NKD1: variants seen among roughly 807,000 people sequenced by gnomAD.
The protein encoded by NKD1 is NKD inhibitor of Wnt signaling pathway 1, also known as protein naked cuticle homolog 1.
NKD1 carries 21 observed loss-of-function variants against 56.0 expected under a neutral mutation model. The ratio of observed to expected loss-of-function variants is 0.38; its 90% CI spans 0.27 to 0.54. The LOEUF (loss-of-function observed/expected upper bound fraction) is 0.54. Among genes scored for constraint, NKD1 ranks in the 20% least tolerant of loss-of-function variants. The pLI is 0.82. For synonymous variants in NKD1, 263 were observed against 265.7 expected, an observed-to-expected ratio of 0.99 and a Z score of 0.10; for missense variants, 578 against 642.7, an observed-to-expected ratio of 0.90 and a Z score of 1.09.
At chr16:50,576,623 G>A (rs1306329178) in intron 3 of NKD1, among the ~76,000 whole-genome samples, 1 of 152,056 alleles carries the variant, frequency 6.6e-6, no homozygotes, top group Admixed American at 6.5e-5. Context: ...GGAGATTGTG[G>A]GTATGCCTGT....
chr16:50,625,646 C>T lies in NKD1; in HGVS notation c.462+66C>T, dbSNP rs1050149164. On this transcript the variant is annotated intron_variant, in intron 6 of 9. Transcript: ENST00000268459. Reference sequence around the variant, plus strand: ...GCAGGCACAGGGCCTGGGCACAGCACCCTGCCACTGCCACTTCTCTCCCCT... The same window carrying T: ...GCAGGCACAGGGCCTGGGCACAGCATCCTGCCACTGCCACTTCTCTCCCCT... 25 of 981,418 alleles carry T rather than the reference C, an allele frequency of 2.5e-5. No homozygotes were observed. In the African/African-American group the frequency reaches 3.8e-4, roughly 15 times the overall value. 60.8% of individuals were successfully genotyped at this position (981,418 alleles called of 1,614,324 possible).
At chr16:50,594,841 G>C (rs1326254874) in intron 3 of NKD1, among the ~76,000 whole-genome samples, 1 of 152,122 alleles carries the variant, frequency 6.6e-6, no homozygotes, top group Admixed American at 6.5e-5. Flanking sequence ...ACGTGCACAC[G>C]GTGCCCTGGG....
chr16:50,592,835 G>T (rs973082998), intron 3 of NKD1, among the ~76,000 whole-genome samples: 1 of 152,112 alleles, frequency 6.6e-6, no homozygotes, highest in African/African-American at 2.4e-5. Flanking sequence ...GTGCAGAAGC[G>T]GGTGGAGACA....
intron 3 of NKD1, chr16:50,606,058 ATTTT>A (rs369267044): frequency 1.4e-5 from 2 of 141,506 alleles, no homozygotes; most frequent in Non-Finnish European, 3.1e-5. Context: ...GGGGAGATGA[ATTTT>A]TTTTTTTTTT....
intron 6 of NKD1, among the ~76,000 whole-genome samples, chr16:50,629,562 C>T (rs1962297678): frequency 6.6e-6 from 1 of 152,150 alleles, no homozygotes; most frequent in Admixed American, 6.5e-5. Flanking sequence ...TTCTCAGGTA[C>T]AAGGAGTTGG....
At position 50,582,638 on chromosome 16, in the gene NKD1, A is replaced by T. The variant is rs953208252; in HGVS notation, c.193-25656A>T. 9.2e-5 allele frequency among the ~76,000 whole-genome samples: 14 copies of T among 152,314 alleles called. No individual in the cohort carries two copies. In the East Asian group the frequency reaches 2.7e-3, roughly 29 times the overall value. On this transcript the variant is annotated intron_variant, in intron 3 of 9. Coordinates refer to ENST00000268459, the MANE Select transcript of NKD1 (RefSeq NM_033119.5). ...ACGAATTATCTGTGGTTCTGCTGGG[A>T]ATACACCATTTGTTTACTCAATGCA... is the stretch of plus-strand genomic sequence containing the variant.
chr16:50,581,495 T>G (rs747517234), intron 3 of NKD1, among the ~76,000 whole-genome samples: 9 of 152,268 alleles, frequency 5.9e-5, no homozygotes, highest in African/African-American at 9.6e-5. Context: ...GCATGTCTAT[T>G]GCATTCCTGC....
rs1350602866 is a variant in NKD1, at chr16:50,636,931, A to G, written c.*3150A>G. ...TCCCACCCCACCCTTTTATTTTTAC[A>G]CAAGGAGCATAGTGTTCATACTTAT... On this transcript the variant is annotated 3_prime_UTR_variant, in exon 10 of 10. Transcript: ENST00000268459. 1 of 152,168 alleles carries G rather than the reference A, an allele frequency of 6.6e-6. No homozygotes were observed. Among genetic ancestry groups the G allele is most frequent in the Non-Finnish European group, 1.5e-5 (1 of 68,034 alleles). The allele number at this position is 152,168 out of a possible 1,614,324, so 9.4% of individuals were successfully genotyped here.
Position 50,632,763 on chromosome 16 carries a change from T to G in NKD1, c.823+355T>G, listed in dbSNP as rs533484568. Among the ~76,000 whole-genome samples the G allele has an allele frequency of 1.3e-5, 2 of 151,242 alleles. No homozygotes were observed. Among genetic ancestry groups the G allele is most frequent in the South Asian group, 4.3e-4 (2 of 4,696 alleles). On this transcript the variant is annotated intron_variant, in intron 9 of 9. Coordinates refer to ENST00000268459, the MANE Select transcript of NKD1 (RefSeq NM_033119.5). The surrounding 1 kb of genome is among the most constrained non-coding windows in gnomAD (Gnocchi z 4.1). Reference sequence around the variant, plus strand: ...TCGGTTTCCCTAAGTACAGCACTACTGTGTCTTTATCAGCCTTGACATATG... The same window carrying G: ...TCGGTTTCCCTAAGTACAGCACTACGGTGTCTTTATCAGCCTTGACATATG...
At chr16:50,553,735 T>C (rs575252318) in intron 3 of NKD1, 1 of 152,378 alleles carries the variant, frequency 6.6e-6, no homozygotes, top group South Asian at 2.1e-4. Flanking sequence ...ATTTGGTGTT[T>C]CAGGATTAAA....
chr16:50,631,037 A>G, intron 8 of NKD1, 127 bp downstream of exon 8: 1 of 610,724 alleles, frequency 1.6e-6, no homozygotes, highest in Non-Finnish European at 2.8e-6. Flanking sequence ...TTTGATGCAC[A>G]GACTCATAAA....
At position 50,598,312 on chromosome 16, in the gene NKD1, G is replaced by A. The variant is rs1961522119; in HGVS notation, c.193-9982G>A. ...ACTCTTGTCCTGTCCGTAAAATGAG[G>A]CCTCAGGGTATAGGAATCAAGAGGC... On this transcript the variant is annotated intron_variant, in intron 3 of 9. Coordinates refer to ENST00000268459, the MANE Select transcript of NKD1 (RefSeq NM_033119.5). The surrounding 1 kb of genome is among the most constrained non-coding windows in gnomAD (Gnocchi z 4.2). Among the ~76,000 whole-genome samples the A allele has an allele frequency of 6.6e-6, 1 of 151,808 alleles. No homozygotes were observed. The highest frequency in any genetic ancestry group is 2.1e-4 in the South Asian group (1 of 4,814).
At chr16:50,624,773 G>A (rs1407489418) in intron 5 of NKD1, among the ~76,000 whole-genome samples, 2 of 152,214 alleles carry the variant, frequency 1.3e-5, no homozygotes, top group Admixed American at 6.5e-5. Flanking sequence ...ACTGCCTCCT[G>A]TCCCTCCCTT....
chr16:50,627,530 C>T (rs1422306034), intron 6 of NKD1, among the ~76,000 whole-genome samples: 1 of 152,120 alleles, frequency 6.6e-6, no homozygotes. Flanking sequence ...TGGTGTTTCC[C>T]TGGTCTATTT....
chr16:50,606,968 G>A (rs1183478612), intron 3 of NKD1: 1 of 456,784 alleles, frequency 2.2e-6, no homozygotes, highest in South Asian at 1.5e-5. Flanking sequence ...GTCAACTCGG[G>A]CTCTGTTAAC....
chr16:50,553,212 G>T (rs1960428808), intron 3 of NKD1, among the ~76,000 whole-genome samples: 1 of 152,240 alleles, frequency 6.6e-6, no homozygotes, highest in South Asian at 2.1e-4. Flanking sequence ...AAATAGTGCA[G>T]TGGACTCAGG....
At chr16:50,599,258 T>C (rs540548403) in intron 3 of NKD1, among the ~76,000 whole-genome samples, 2 of 152,208 alleles carry the variant, frequency 1.3e-5, no homozygotes, top group African/African-American at 4.8e-5. Context: ...TGGGACACGC[T>C]ATTTGAGCCA....
At chr16:50,584,010 C>T (rs972900881) in intron 3 of NKD1, among the ~76,000 whole-genome samples, 1 of 152,230 alleles carries the variant, frequency 6.6e-6, no homozygotes. Context: ...GTGCAGTTGG[C>T]ATATCAGTTA....
At chr16:50,619,962 T>C (rs935620590) in intron 4 of NKD1, among the ~76,000 whole-genome samples, 3 of 152,218 alleles carry the variant, frequency 2.0e-5, no homozygotes, top group African/African-American at 7.2e-5. Flanking sequence ...CTGTGAGCAT[T>C]ATTCAGGCTA....
Sources: gnomAD v4.1 joint callset for allele counts (sites outside exome capture counted in the v4.1 genomes callset) on GRCh38, gnomAD v4.1.1 for gene constraint, Gnocchi (gnomAD v3.1) non-coding constraint, MANE v1.5 for transcripts, NCBI Gene and HGNC (gene_info 2026-07-23, HGNC 2026-07-21) for gene names.